Variants in LRP4 observed in about 807,000 individuals in gnomAD.
LRP4 encodes LDL receptor related protein 4.
A neutral mutation model predicts 220.3 loss-of-function variants in LRP4; 95 were observed. That is an observed-to-expected ratio of 0.43 (90% confidence interval 0.37 to 0.51). The LOEUF is 0.51. Ranked by LOEUF, LRP4 falls within the 20% of genes least tolerant of loss-of-function variation. LRP4 has a pLI of 0.00. For missense variants in LRP4, 1,925 were observed against 2,567.0 expected (o/e 0.75, Z 5.40); for synonymous variants, 903 against 954.6 (o/e 0.95, Z 1.00).
intron 1 of LRP4, among the ~76,000 whole-genome samples, chr11:46,912,837 G>A (rs1941886378): frequency 6.6e-6 from 1 of 152,216 alleles, no homozygotes; most frequent in East Asian, 1.9e-4. Flanking sequence ...GCACTGCCTG[G>A]AGCCAGGAGC....
chr11:46,884,601 G>A lies in LRP4; in HGVS notation c.2507-625C>T, dbSNP rs184773267. 2.4e-3 allele frequency among the ~76,000 whole-genome samples: 371 copies of A among 152,154 alleles called. 2 individuals carry two copies. Among genetic ancestry groups the A allele is most frequent in the African/African-American group, 8.5e-3 (353 of 41,508 alleles). On this transcript the variant is annotated intron_variant, in intron 18 of 37. Coordinates refer to ENST00000378623, the MANE Select transcript of LRP4 (RefSeq NM_002334.4). Reference sequence around the variant, plus strand: ...AAATACAAAAAATTAGCCAGGCGTCGTGGCGGGCACCTGTAGTCCCAGCTA... The same window carrying A: ...AAATACAAAAAATTAGCCAGGCGTCATGGCGGGCACCTGTAGTCCCAGCTA...
intron 19 of LRP4, among the ~76,000 whole-genome samples, chr11:46,883,326 C>G (rs914291766): frequency 1.3e-5 from 2 of 152,236 alleles, no homozygotes; most frequent in Admixed American, 1.3e-4. Flanking sequence ...AACGCCCACA[C>G]TGGAAGGTTG....
chr11:46,883,714 C>T (rs954698381), intron 19 of LRP4, among the ~76,000 whole-genome samples, 157 bp downstream of exon 19: 1 of 152,236 alleles, frequency 6.6e-6, no homozygotes, highest in African/African-American at 2.4e-5. Flanking sequence ...CCCGACAGAG[C>T]TGGTCTTGGC....
rs950606202 is a variant in LRP4, at chr11:46,875,333, C to G, written c.3925+123G>C. 1 of 990,616 alleles carries G rather than the reference C, an allele frequency of 1.0e-6. No individual in the cohort carries two copies. The highest frequency in any genetic ancestry group is 1.5e-6 in the Non-Finnish European group (1 of 647,520). The allele number at this position is 990,616 out of a possible 1,614,324, so 61.4% of individuals were successfully genotyped here. On this transcript the variant is annotated intron_variant, in intron 27 of 37. Transcript: ENST00000378623. This position sits in a 1 kb window ranked among gnomAD's most constrained non-coding sequence, Gnocchi z 4.5. Reference sequence around the variant, plus strand: ...GAACACAGCCCAATCTGGAAGGGAGCTTAAACAGGTCACCGTCTTTCTGGC... The same window carrying G: ...GAACACAGCCCAATCTGGAAGGGAGGTTAAACAGGTCACCGTCTTTCTGGC...
At chr11:46,900,035 T>C in intron 3 of LRP4, 59 bp from the exon 4 acceptor site, 1 of 1,391,658 alleles carries the variant, frequency 7.2e-7, no homozygotes, top group Non-Finnish European at 1.0e-6. Context: ...CCTGGAAGCC[T>C]GACTTAAAGC....
At position 46,874,915 on chromosome 11, in the gene LRP4, T is replaced by C. The variant is rs992374696; in HGVS notation, c.4114A>G (p.Ser1372Gly). Residue 1372 changes from serine (S) to glycine (G), a missense_variant, in exon 28 of 38, where the codon AGT (serine) becomes GGT (glycine). Coordinates refer to ENST00000378623, the MANE Select transcript of LRP4 (RefSeq NM_002334.4). ...GSIRRISLDT[S>G]DHTDVHVPVP... The stretch of plus-strand genomic sequence containing the variant: ...GGGACATGCACATCGGTGTGGTCAC[T>C]GGTGTCCAGTGAGATACGCCGGATG... 1 of 1,614,200 alleles carries C rather than the reference T, an allele frequency of 6.2e-7. No homozygotes were observed. Among genetic ancestry groups the C allele is most frequent in the South Asian group, 1.1e-5 (1 of 91,080 alleles).
chr11:46,880,439 A>C (rs967341070), intron 20 of LRP4, among the ~76,000 whole-genome samples: 1 of 82,398 alleles, frequency 1.2e-5, no homozygotes, highest in African/African-American at 3.1e-5. Context: ...CCATCTCTAC[A>C]AAAAATAAAA....
At position 46,873,329 on chromosome 11, in the gene LRP4, C is replaced by T. The variant is rs369717970; in HGVS notation, c.4448+46G>A. 1 of 1,612,350 alleles carries T rather than the reference C, an allele frequency of 6.2e-7. No homozygotes were observed. Among genetic ancestry groups the T allele is most frequent in the Non-Finnish European group, 8.5e-7 (1 of 1,178,892 alleles). On this transcript the variant is annotated intron_variant, in intron 29 of 37. Transcript: ENST00000378623. This position sits in a 1 kb window ranked among gnomAD's most constrained non-coding sequence, Gnocchi z 4.2. ...GGACCCACTAACACCATCTTTCCACCCAGCCCTTCTTCCCTGGATCTCTCT... is the reference window on the plus strand; with the variant it reads ...GGACCCACTAACACCATCTTTCCACTCAGCCCTTCTTCCCTGGATCTCTCT...
intron 25 of LRP4, among the ~76,000 whole-genome samples, chr11:46,876,174 C>T (rs904970129): frequency 6.6e-6 from 1 of 152,188 alleles, no homozygotes; most frequent in Non-Finnish European, 1.5e-5. Context: ...CTACCACCTC[C>T]ATTTAATAGG....
intron 6 of LRP4, 76 bp downstream of exon 6, chr11:46,898,828 T>C: frequency 2.5e-6 from 4 of 1,609,508 alleles, no homozygotes; most frequent in Non-Finnish European, 3.4e-6. Flanking sequence ...CTGCCCCAGC[T>C]GGCGACTGTG....
chr11:46,906,716 C>T (rs1941766056), intron 1 of LRP4, among the ~76,000 whole-genome samples: 1 of 152,158 alleles, frequency 6.6e-6, no homozygotes, highest in Non-Finnish European at 1.5e-5. Flanking sequence ...GAACCTTAAG[C>T]TCCGTTTGTT....
In LRP4 at chr11:46,881,747, G is replaced by C. The variant is rs1941165939; in HGVS notation, c.2769C>G (p.Gly923=). ...GSQRLYWADA[G]MKTIEFAGLD... ...GTCCAGCAAATTCAATTGTCTTCATGCCGGCGTCAGCCCAGTATAGACGCT... is the reference window on the plus strand; with the variant it reads ...GTCCAGCAAATTCAATTGTCTTCATCCCGGCGTCAGCCCAGTATAGACGCT... Residue 923 remains glycine (G), a synonymous_variant, in exon 20 of 38, where the codon GGC becomes GGG. Transcript: ENST00000378623. 2 of 1,613,548 alleles carry C rather than the reference G, an allele frequency of 1.2e-6. No homozygotes were observed. The highest frequency in any genetic ancestry group is 1.1e-5 in the South Asian group (1 of 90,942).
intron 16 of LRP4, among the ~76,000 whole-genome samples, chr11:46,888,563 A>AAAG (rs1555173402): frequency 3.9e-4 from 56 of 145,322 alleles, no homozygotes; most frequent in African/African-American, 1.5e-3. Context: ...AAAAAAAAAA[A>AAAG]AAAAAAAAAA....
rs1243797516 is a variant in LRP4, at chr11:46,899,373, C to G, written c.547+14G>C. 1 of 1,600,014 alleles carries G rather than the reference C, an allele frequency of 6.2e-7. No individual in the cohort carries two copies. Among genetic ancestry groups the G allele is most frequent in the Admixed American group, 1.7e-5 (1 of 60,004 alleles). On this transcript the variant is annotated intron_variant, in intron 5 of 37. Coordinates refer to ENST00000378623, the MANE Select transcript of LRP4 (RefSeq NM_002334.4). The surrounding 1 kb of genome is among the most constrained non-coding windows in gnomAD (Gnocchi z 5.9). ...CTCATCCAACCCAACAGCCTGAGGT[C>G]TGGGGCCACTCACGACAGTTCTCCT...
rs760201117 is a variant in LRP4 at position 46,899,876 on chromosome 11, G to A, written c.417C>T (p.Ser139=). The change falls in exon 4 of 38, where the codon AGC becomes AGT. Residue 139 remains serine, a synonymous_variant. Coordinates refer to ENST00000378623, the MANE Select transcript of LRP4 (RefSeq NM_002334.4). The surrounding 1 kb of genome is among the most constrained non-coding windows in gnomAD (Gnocchi z 5.9). ...GGGGTCACCCACCACACTGCTCATC[G>A]CTGTTGTCGCCACAGTCATTGTCAC... ...CDGDNDCGDN[S]DEQCDMRKCS... The A allele has an allele frequency of 5.6e-6, 9 of 1,613,678 alleles. No individual in the cohort carries two copies. Among genetic ancestry groups the A allele is most frequent in the Middle Eastern group, 1.6e-4 (1 of 6,084 alleles).
chr11:46,875,236 A>T lies in LRP4; in HGVS notation c.3926-133T>A, dbSNP rs78615409. On this transcript the variant is annotated intron_variant, in intron 27 of 37. Coordinates refer to ENST00000378623, the MANE Select transcript of LRP4 (RefSeq NM_002334.4). This position sits in a 1 kb window ranked among gnomAD's most constrained non-coding sequence, Gnocchi z 4.5. The stretch of plus-strand genomic sequence containing the variant: ...TTCAGTGCCTGGCAGGGTGAGGTAG[A>T]AGGAGGGTCTGCAGGAGGATCTCCA... 4,742 of 1,017,758 alleles carry T rather than the reference A, an allele frequency of 4.7e-3. 157 individuals carry two copies. The African/African-American group carries it at 0.066, about 14-fold the overall frequency. 63.0% of individuals were successfully genotyped at this position (1,017,758 alleles called of 1,614,324 possible). A position where few individuals can be genotyped will look rare whatever the true frequency, so the allele number is the denominator to read the frequency against.
chr11:46,909,028 T>A (rs1297985430), intron 1 of LRP4, among the ~76,000 whole-genome samples: 1 of 152,154 alleles, frequency 6.6e-6, no homozygotes, highest in East Asian at 1.9e-4. Context: ...CTAGTATTCT[T>A]CTCTTAGTGT....
At position 46,889,511 on chromosome 11, in the gene LRP4, G is replaced by A; in HGVS notation, c.2115C>T (p.Asn705=). ...QPAGKNRCGD[N]NGGCTHLCLP... ...GACACAGGTGCGTGCAGCCTCCGTT[G>A]TTGTCCCCACAGCGGTTTTTCCCTG... Residue 705 remains asparagine (N), a synonymous_variant, in exon 16 of 38, where the codon AAC becomes AAT. Coordinates refer to ENST00000378623, the MANE Select transcript of LRP4 (RefSeq NM_002334.4). 1 of 1,614,034 alleles carries A rather than the reference G, an allele frequency of 6.2e-7. No individual in the cohort carries two copies. Among genetic ancestry groups the A allele is most frequent in the Non-Finnish European group, 8.5e-7 (1 of 1,180,030 alleles).
chr11:46,898,254 C>G lies in LRP4; in HGVS notation c.796+304G>C, dbSNP rs1482028946. On this transcript the variant is annotated intron_variant, in intron 7 of 37. Transcript: ENST00000378623. The stretch of plus-strand genomic sequence containing the variant: ...TCACTCTGCTACAGGGACGCCGTCT[C>G]GGGTCACTGCAACCTCTGCCTCCTA... Among the ~76,000 whole-genome samples the G allele has an allele frequency of 2.0e-5, 3 of 152,240 alleles. No individual in the cohort carries two copies. In the South Asian group the frequency reaches 6.2e-4, roughly 32 times the overall value.
Sources: gnomAD v4.1 joint callset for allele counts (sites outside exome capture counted in the v4.1 genomes callset) on GRCh38, gnomAD v4.1.1 for gene constraint, Gnocchi (gnomAD v3.1) non-coding constraint, MANE v1.5 for transcripts, NCBI Gene and HGNC (gene_info 2026-07-23, HGNC 2026-07-21) for gene names.